The following COBL variants were observed in gnomAD, a reference collection of about 807,000 sequenced individuals.
The protein encoded by COBL is cordon-bleu WH2 repeat protein.
COBL carries 51 observed loss-of-function variants against 98.8 expected under a neutral mutation model. That is an observed-to-expected ratio of 0.52 (90% CI 0.41 to 0.65). The LOEUF is 0.65. COBL is among the 30% of genes least tolerant of loss of function. COBL has a pLI of 0.00. For synonymous variants in COBL, 634 were observed against 651.7 expected (o/e 0.97, Z 0.41); for missense variants, 1,617 against 1,617.5 (o/e 1.00, Z 0.01).
intron 6 of COBL, among the ~76,000 whole-genome samples, chr7:51,093,989 A>G (rs1334516343): frequency 6.6e-6 from 1 of 150,782 alleles, no homozygotes; most frequent in Non-Finnish European, 1.5e-5. Context: ...ATACATATAT[A>G]TATATGTATA....
chr7:51,282,876 G>C (rs1414600089), intron 1 of COBL, among the ~76,000 whole-genome samples: 2 of 151,322 alleles, frequency 1.3e-5, no homozygotes, highest in African/African-American at 4.9e-5. Context: ...ACTGAAATTA[G>C]ACCGGAAATC....
At chr7:51,218,091 C>G (rs1265863267) in intron 2 of COBL, among the ~76,000 whole-genome samples, 1 of 152,218 alleles carries the variant, frequency 6.6e-6, no homozygotes, top group African/African-American at 2.4e-5. Flanking sequence ...AGCAGGCTGG[C>G]CTCACCTGGT....
intron 1 of COBL, among the ~76,000 whole-genome samples, chr7:51,237,637 G>T (rs1470676621): frequency 6.6e-6 from 1 of 150,880 alleles, no homozygotes; most frequent in Non-Finnish European, 1.5e-5. Flanking sequence ...GTTTAATGTA[G>T]TATTATTAAA....
intron 7 of COBL, among the ~76,000 whole-genome samples, chr7:51,058,554 AAACAACAAC>A (rs57660073): frequency 0.32 from 47,933 of 150,064 alleles, 8,380 homozygotes; most frequent in East Asian, 0.46. Context: ...CCATGTCTCA[AAACAACAAC>A]AACAACAACA....
In COBL at chr7:51,026,651, G is replaced by A. The variant is rs371757132; in HGVS notation, c.3399C>T (p.Thr1133=). Residue 1133 remains threonine, a synonymous_variant, in exon 11 of 13, where the codon ACC becomes ACT. Coordinates refer to ENST00000265136, the MANE Select transcript of COBL (RefSeq NM_015198.5). ...KDRLRKTAEH[T]GEGRPAKLSY... Reference sequence around the variant, plus strand: ...ACAGTTTCGCTGGCCTGCCCTCCCCGGTGTGTTCTGCCGTCTAGAATATTA... The same window carrying A: ...ACAGTTTCGCTGGCCTGCCCTCCCCAGTGTGTTCTGCCGTCTAGAATATTA... The A allele has an allele frequency of 2.1e-5, 34 of 1,613,756 alleles. No homozygotes were observed. The highest frequency in any genetic ancestry group is 1.6e-4 in the Middle Eastern group (1 of 6,084).
intron 5 of COBL, among the ~76,000 whole-genome samples, chr7:51,152,584 G>C (rs777454181): frequency 6.6e-6 from 1 of 152,182 alleles, no homozygotes; most frequent in Non-Finnish European, 1.5e-5. Context: ...AGGTTTCCCA[G>C]GTATTCTTCT....
chr7:51,020,238 T>C (rs1315784547), intron 12 of COBL, among the ~76,000 whole-genome samples: 2 of 152,200 alleles, frequency 1.3e-5, no homozygotes, highest in Admixed American at 1.3e-4. Flanking sequence ...GCTACGACCT[T>C]GACTTCCAGG....
At chr7:51,029,659 T>A in intron 9 of COBL, 68 bp from the exon 10 acceptor site, 1 of 1,319,094 alleles carries the variant, frequency 7.6e-7, no homozygotes, top group Non-Finnish European at 1.0e-6. Context: ...ACTGCAGCCA[T>A]GACTTTGATT....
At chr7:51,057,506 C>T (rs763928328) in intron 7 of COBL, among the ~76,000 whole-genome samples, 3 of 152,074 alleles carry the variant, frequency 2.0e-5, no homozygotes, top group African/African-American at 7.2e-5. Context: ...TTCTCTAGAG[C>T]TCCCCTCCCG....
At chr7:51,152,050 G>C (rs1317518125) in intron 5 of COBL, among the ~76,000 whole-genome samples, 1 of 152,168 alleles carries the variant, frequency 6.6e-6, no homozygotes, top group African/African-American at 2.4e-5. Flanking sequence ...TATTCAAAAA[G>C]TCACACTTTG....
chr7:51,210,747 C>T (rs1041422689), intron 2 of COBL, among the ~76,000 whole-genome samples: 1 of 152,214 alleles, frequency 6.6e-6, no homozygotes, highest in Non-Finnish European at 1.5e-5. Context: ...TTTTCCACTA[C>T]ACACTTTTCT....
chr7:51,303,458 T>C (rs1802177115), intron 1 of COBL, among the ~76,000 whole-genome samples: 1 of 152,070 alleles, frequency 6.6e-6, no homozygotes, highest in African/African-American at 2.4e-5. Flanking sequence ...AGACGGCCAC[T>C]GGAGGTGAGA....
chr7:51,122,173 C>T (rs1373151665), intron 6 of COBL, among the ~76,000 whole-genome samples: 3 of 152,204 alleles, frequency 2.0e-5, no homozygotes, highest in African/African-American at 7.2e-5. Flanking sequence ...ACACTTGCTT[C>T]TTTAGCCACA....
chr7:51,147,584 G>T (rs772690621), intron 5 of COBL, among the ~76,000 whole-genome samples: 13 of 152,098 alleles, frequency 8.5e-5, no homozygotes, highest in Non-Finnish European at 1.6e-4. Context: ...GAGAACAAAG[G>T]GAGGAGGAAG....
chr7:51,188,100 C>T (rs1247750387), intron 4 of COBL: 2 of 626,402 alleles, frequency 3.2e-6, no homozygotes, highest in Non-Finnish European at 4.6e-6. Context: ...GTCAGCTTGC[C>T]TCTCTGGGCT....
chr7:51,292,146 CAAA>C (rs796266265), intron 1 of COBL, among the ~76,000 whole-genome samples: 11 of 84,846 alleles, frequency 1.3e-4, no homozygotes, highest in Non-Finnish European at 1.8e-4. Context: ...GACTTTGACT[CAAA>C]AAAAAAAAAA....
At chr7:51,169,327 T>C (rs1304816983) in intron 5 of COBL, among the ~76,000 whole-genome samples, 1 of 152,190 alleles carries the variant, frequency 6.6e-6, no homozygotes, top group African/African-American at 2.4e-5. Flanking sequence ...TACTGATTGA[T>C]GTATTATGTC....
chr7:51,098,220 G>GTTTTTTTTTTTTTTTTTTTTTTT (rs1276606651), intron 6 of COBL, among the ~76,000 whole-genome samples: 3 of 52,308 alleles, frequency 5.7e-5, no homozygotes, highest in South Asian at 5.4e-4. Flanking sequence ...CCCAATAGCA[G>GTTTTTTTTTTTTTTTTTTTTTTT]TTTCTTTTTT....
intron 2 of COBL, among the ~76,000 whole-genome samples, chr7:51,212,759 G>A (rs115858841): frequency 0.023 from 3,489 of 152,236 alleles, 141 homozygotes; most frequent in African/African-American, 0.08. Flanking sequence ...ACTTTAACAC[G>A]CAATCTGAAC....
Sources: gnomAD v4.1 joint callset for allele counts (sites outside exome capture counted in the v4.1 genomes callset) on GRCh38, gnomAD v4.1.1 for gene constraint, MANE v1.5 for transcripts, NCBI Gene and HGNC (gene_info 2026-07-23, HGNC 2026-07-21) for gene names.